IFT81: variants seen among roughly 807,000 people sequenced by gnomAD.
IFT81 encodes the protein intraflagellar transport protein 81 homolog.
Under a neutral mutation model 102.6 loss-of-function variants are expected in IFT81, and 72 were observed. The ratio of observed to expected loss-of-function variants is 0.70; its 90% CI spans 0.58 to 0.85. IFT81 has a LOEUF of 0.85. Ranked by LOEUF, IFT81 falls within the 40% of genes least tolerant of loss-of-function variation. IFT81 has a pLI of 0.00. For synonymous variants in IFT81, 237 were observed against 242.7 expected (o/e 0.98, Z 0.22); for missense variants, 723 against 787.3 (o/e 0.92, Z 0.98).
At position 110,128,134 on chromosome 12, in the gene IFT81, G is replaced by A. The variant is rs376703024; in HGVS notation, c.233G>A (p.Gly78Glu). Residue 78 changes from glycine to glutamate, a missense_variant, in exon 3 of 19, where the codon GGA (glycine) becomes GAA (glutamate). Transcript: ENST00000242591. ...GGTATTCTTAAGTACAAACCTTCAGGAAATGCCACAGATATGTAAGAATCT... is the reference window on the plus strand; with the variant it reads ...GGTATTCTTAAGTACAAACCTTCAGAAAATGCCACAGATATGTAAGAATCT... ...LLGILKYKPS[G>E]NATDMSTFRQ... is the part of the protein sequence containing the mutation. 6.2e-7 allele frequency: 1 copy of A among 1,607,786 alleles called. No individual in the cohort carries two copies. Among genetic ancestry groups the A allele is most frequent in the African/African-American group, 1.3e-5 (1 of 74,834 alleles).
intron 10 of IFT81, among the ~76,000 whole-genome samples, chr12:110,161,253 G>T (rs1896118174): frequency 6.7e-6 from 1 of 148,940 alleles, no homozygotes; most frequent in Admixed American, 6.8e-5. Flanking sequence ...GAATTCTCCT[G>T]CCTCAGCCTC....
rs1593353438 is a variant in IFT81, at chr12:110,188,101, G to A, written c.1339-2819G>A. On this transcript the variant is annotated intron_variant, in intron 12 of 18. Transcript: ENST00000242591. ...TAATCCCAACACTTTGGGAGGCTGA[G>A]GCGGGTGGATCACGAGGTCAGGAGA... Among the ~76,000 whole-genome samples, 3 of 152,282 alleles carry A rather than the reference G, an allele frequency of 2.0e-5. No homozygotes were observed. The East Asian group carries it at 5.8e-4, about 29-fold the overall frequency.
Position 110,124,386 on chromosome 12 carries a change from T to G in IFT81, c.-497T>G, listed in dbSNP as rs1269871756. On this transcript the variant is annotated 5_prime_UTR_variant, in exon 1 of 19. Transcript: ENST00000242591. ...CCAAGGAGCTCGACTCTGGGAGCGGTCTAGAGCCCGGGCGCCTCCTGGGGG... is the reference window on the plus strand; with the variant it reads ...CCAAGGAGCTCGACTCTGGGAGCGGGCTAGAGCCCGGGCGCCTCCTGGGGG... 1 of 151,570 alleles carries G rather than the reference T, an allele frequency of 6.6e-6. No individual in the cohort carries two copies. The highest frequency in any genetic ancestry group is 1.5e-5 in the Non-Finnish European group (1 of 67,938). The allele number at this position is 151,570 out of a possible 1,614,324, so 9.4% of individuals were successfully genotyped here.
chr12:110,182,416 C>T (rs186895199), intron 12 of IFT81, among the ~76,000 whole-genome samples: 6 of 152,164 alleles, frequency 3.9e-5, no homozygotes, highest in African/African-American at 1.4e-4. Context: ...GTTCCCTCAC[C>T]TCAGCTAGTA....
chr12:110,164,653 C>T (rs181292771), intron 11 of IFT81, among the ~76,000 whole-genome samples: 1 of 152,140 alleles, frequency 6.6e-6, no homozygotes, highest in Non-Finnish European at 1.5e-5. Context: ...TGTACCCTCC[C>T]AATGTGCCTT....
At chr12:110,181,304 C>T (rs1340557991) in intron 12 of IFT81, among the ~76,000 whole-genome samples, 2 of 152,196 alleles carry the variant, frequency 1.3e-5, no homozygotes, top group East Asian at 3.8e-4. Flanking sequence ...TCTAACAGCA[C>T]TAACTTTAAA....
intron 10 of IFT81, among the ~76,000 whole-genome samples, chr12:110,155,788 A>AT (rs1470554013): frequency 6.6e-6 from 1 of 151,232 alleles, no homozygotes; most frequent in Non-Finnish European, 1.5e-5. Flanking sequence ...TGTTTAGTTG[A>AT]TTTTTTTATG....
At chr12:110,139,205 T>C (rs943730289) in intron 8 of IFT81, among the ~76,000 whole-genome samples, 1 of 151,236 alleles carries the variant, frequency 6.6e-6, no homozygotes, top group Non-Finnish European at 1.5e-5. Flanking sequence ...GGTGTGGTGG[T>C]GCACGCTTGT....
chr12:110,165,888 G>A (rs1358424630), intron 11 of IFT81, among the ~76,000 whole-genome samples: 1 of 152,220 alleles, frequency 6.6e-6, no homozygotes, highest in Non-Finnish European at 1.5e-5. Flanking sequence ...CAAAGGCTCA[G>A]TCAACATATA....
intron 12 of IFT81, among the ~76,000 whole-genome samples, chr12:110,182,265 A>G (rs1897336391): frequency 6.6e-6 from 1 of 152,172 alleles, no homozygotes; most frequent in Non-Finnish European, 1.5e-5. Context: ...TATAGCTTCT[A>G]TAGGATTCTA....
At chr12:110,194,431 T>A (rs916711813) in intron 14 of IFT81, among the ~76,000 whole-genome samples, 1 of 146,952 alleles carries the variant, frequency 6.8e-6, no homozygotes, top group African/African-American at 2.6e-5. Context: ...AAATATTCAT[T>A]TTTTTTTTAT....
chr12:110,200,252 C>T (rs867513480), intron 14 of IFT81, among the ~76,000 whole-genome samples: 1 of 152,128 alleles, frequency 6.6e-6, no homozygotes, highest in South Asian at 2.1e-4. Flanking sequence ...ATAGAGTGTA[C>T]TTACACAAAC....
At chr12:110,157,182 T>C (rs1895890278) in intron 10 of IFT81, among the ~76,000 whole-genome samples, 1 of 152,044 alleles carries the variant, frequency 6.6e-6, no homozygotes, top group Non-Finnish European at 1.5e-5. Context: ...ACCCCGTCTC[T>C]ACCAAAAAAT....
At chr12:110,135,909 AATACC>A (rs1894479043) in intron 7 of IFT81, among the ~76,000 whole-genome samples, 1 of 152,076 alleles carries the variant, frequency 6.6e-6, no homozygotes, top group Non-Finnish European at 1.5e-5. Flanking sequence ...TGGCAACAAC[AATACC>A]ACTTTTTGGG....
intron 11 of IFT81, among the ~76,000 whole-genome samples, chr12:110,176,771 A>G (rs1025517441): frequency 1.3e-4 from 20 of 152,242 alleles, no homozygotes; most frequent in African/African-American, 4.6e-4. Flanking sequence ...TAGTTATTAT[A>G]TATAATGAAT....
intron 4 of IFT81, 39 bp downstream of exon 4, chr12:110,129,169 A>T: frequency 1.4e-6 from 2 of 1,413,334 alleles, no homozygotes; most frequent in Non-Finnish European, 1.9e-6. Context: ...ACTGTAATGG[A>T]TTTCAAGGTG....
chr12:110,180,772 T>G (rs1196856071), intron 12 of IFT81, among the ~76,000 whole-genome samples: 1 of 152,256 alleles, frequency 6.6e-6, no homozygotes, highest in African/African-American at 2.4e-5. Flanking sequence ...GTGTGCTGAC[T>G]TCGGGGTTAT....
At chr12:110,128,837 A>T (rs1894000969) in intron 3 of IFT81, 113 bp from the exon 4 acceptor site, 1 of 749,862 alleles carries the variant, frequency 1.3e-6, no homozygotes, top group South Asian at 1.9e-5. Flanking sequence ...CTTTTTTAAA[A>T]AGTTACAGAA....
chr12:110,157,313 C>T (rs1345328346), intron 10 of IFT81, among the ~76,000 whole-genome samples: 1 of 152,024 alleles, frequency 6.6e-6, no homozygotes, highest in Non-Finnish European at 1.5e-5. Context: ...CATGCCATTG[C>T]ACTTCAGCCT....
Sources: gnomAD v4.1 joint callset for allele counts (sites outside exome capture counted in the v4.1 genomes callset) on GRCh38, gnomAD v4.1.1 for gene constraint, MANE v1.5 for transcripts, NCBI Gene and HGNC (gene_info 2026-07-23, HGNC 2026-07-21) for gene names.